The following GRM1 variants were observed in gnomAD, a reference collection of about 807,000 sequenced individuals.
The protein encoded by GRM1 is glutamate metabotropic receptor 1.
A neutral mutation model predicts 90.9 loss-of-function variants in GRM1; 33 were observed. The observed-to-expected ratio is 0.36, with a 90% CI of 0.28 to 0.49. The LOEUF (loss-of-function observed/expected upper bound fraction) is 0.49, where lower values mean the gene tolerates loss of function less well. GRM1 is among the 20% of genes least tolerant of loss of function. The pLI, the probability that GRM1 is intolerant of heterozygous loss-of-function variation, is 0.99. For synonymous variants in GRM1, 700 were observed against 613.2 expected, an observed-to-expected ratio of 1.14 and a Z score of -2.09; for missense variants, 1,190 against 1,534.3, an observed-to-expected ratio of 0.78 and a Z score of 3.75.
intron 2 of GRM1, among the ~76,000 whole-genome samples, chr6:146,207,124 G>T (rs907380947): frequency 6.6e-6 from 1 of 152,172 alleles, no homozygotes. Context: ...TCATGTGCAT[G>T]TGTCTTTATG....
At chr6:146,153,613 C>G (rs2128889151) in intron 1 of GRM1, among the ~76,000 whole-genome samples, 1 of 152,214 alleles carries the variant, frequency 6.6e-6, no homozygotes, top group Non-Finnish European at 1.5e-5. Flanking sequence ...TGCTGGGGAA[C>G]AGCACACACT....
intron 3 of GRM1, among the ~76,000 whole-genome samples, chr6:146,325,439 TTA>T (rs1784369883): frequency 6.6e-6 from 1 of 152,234 alleles, no homozygotes; most frequent in South Asian, 2.1e-4. Flanking sequence ...GTACAAGTTA[TTA>T]TGATATAGTA....
chr6:146,435,794 A>C lies in GRM1; in HGVS notation c.*998A>C, dbSNP rs1360736229. The C allele has an allele frequency of 1.3e-5, 2 of 152,770 alleles. No individual in the cohort carries two copies. Among genetic ancestry groups the C allele is most frequent in the East Asian group, 3.9e-4 (2 of 5,180 alleles). 9.5% of individuals were successfully genotyped at this position (152,770 alleles called of 1,614,324 possible). On this transcript the variant is annotated 3_prime_UTR_variant, in exon 8 of 8. Transcript: ENST00000282753. ...CTTCAGTTAAAGAACAAACCATGTG[A>C]CAAAATTGTTACCTTCCACTTACTG...
chr6:146,274,252 T>G (rs1240652485), intron 2 of GRM1, among the ~76,000 whole-genome samples: 1 of 152,198 alleles, frequency 6.6e-6, no homozygotes, highest in African/African-American at 2.4e-5. Flanking sequence ...TCTACATAAT[T>G]TTATCTAAAT....
In GRM1 at chr6:146,434,680, T is replaced by C; in HGVS notation, c.3469T>C (p.Ser1157Pro). 3 of 1,605,882 alleles carry C rather than the reference T, an allele frequency of 1.9e-6. No individual in the cohort carries two copies. The highest frequency in any genetic ancestry group is 8.5e-7 in the Non-Finnish European group (1 of 1,179,988). ...PPSPFRDSVA[S>P]GSSVPSSPVS... The stretch of plus-strand genomic sequence containing the variant: ...GTCGCCTTTCCGCGACTCGGTGGCC[T>C]CGGGCAGCTCGGTGCCCAGCTCCCC... Residue 1157 changes from serine to proline, a missense_variant, in exon 8 of 8, where the codon TCG becomes CCG. Transcript: ENST00000282753.
chr6:146,402,773 GT>G (rs1311163816), intron 7 of GRM1, among the ~76,000 whole-genome samples: 4 of 152,144 alleles, frequency 2.6e-5, no homozygotes, highest in Non-Finnish European at 4.4e-5. Context: ...TTGGAATGAT[GT>G]TGCGTTGTCT....
At chr6:146,361,405 A>C (rs1391890479) in intron 5 of GRM1, among the ~76,000 whole-genome samples, 1 of 152,198 alleles carries the variant, frequency 6.6e-6, no homozygotes, top group Non-Finnish European at 1.5e-5. Flanking sequence ...AGTGTTATGC[A>C]AGCAAACATC....
At chr6:146,380,370 A>C (rs2115121477) in intron 5 of GRM1, among the ~76,000 whole-genome samples, 1 of 139,886 alleles carries the variant, frequency 7.1e-6, no homozygotes, top group East Asian at 2.1e-4. Flanking sequence ...CACCCATCAG[A>C]GAGCCCTTTG....
At chr6:146,222,748 G>A (rs908646801) in intron 2 of GRM1, among the ~76,000 whole-genome samples, 9 of 151,966 alleles carry the variant, frequency 5.9e-5, no homozygotes, top group Non-Finnish European at 8.8e-5. Context: ...CCAAATATCC[G>A]GGTACCCTGT....
chr6:146,043,796 T>TATATATAGATATATATATAG (rs1554260529), intron 1 of GRM1, among the ~76,000 whole-genome samples: 1 of 137,940 alleles, frequency 7.2e-6, no homozygotes, highest in Non-Finnish European at 1.6e-5. Flanking sequence ...TATATATATA[T>TATATATAGATATATATATAG]ATATATATAT....
Position 146,127,735 on chromosome 6 carries a change from C to T in GRM1, c.701-31613C>T, listed in dbSNP as rs149988322. 2.0e-3 allele frequency among the ~76,000 whole-genome samples: 306 copies of T among 152,280 alleles called. 2 individuals carry two copies. In the Middle Eastern group the frequency reaches 0.024, roughly 12 times the overall value. ...GTAATCTTCAGCAAGATTTCAATCT[C>T]CCCAAGGTTCAGTTTCCTTATTTGT... On this transcript the variant is annotated intron_variant, in intron 1 of 7. Coordinates refer to ENST00000282753, the MANE Select transcript of GRM1 (RefSeq NM_001278064.2).
intron 5 of GRM1, among the ~76,000 whole-genome samples, chr6:146,374,060 T>C (rs953959110): frequency 6.6e-6 from 1 of 152,154 alleles, no homozygotes. Context: ...TTTGAGGAGT[T>C]TTATTAAGAA....
At chr6:146,237,646 C>T (rs1343084051) in intron 2 of GRM1, among the ~76,000 whole-genome samples, 1 of 152,140 alleles carries the variant, frequency 6.6e-6, no homozygotes, top group African/African-American at 2.4e-5. Context: ...CCTTACCCCA[C>T]TTCCAGATAT....
At chr6:146,428,628 C>G (rs1023171820) in intron 7 of GRM1, among the ~76,000 whole-genome samples, 1 of 152,040 alleles carries the variant, frequency 6.6e-6, no homozygotes, top group African/African-American at 2.4e-5. Flanking sequence ...ACCTGAAGTT[C>G]CTTTAAAGGG....
At chr6:146,143,052 C>T (rs138947370) in intron 1 of GRM1, among the ~76,000 whole-genome samples, 5 of 152,278 alleles carry the variant, frequency 3.3e-5, no homozygotes, top group African/African-American at 9.6e-5. Context: ...CCATGATGTG[C>T]GCTACCTTGC....
At chr6:146,061,549 A>G (rs1246679409) in intron 1 of GRM1, among the ~76,000 whole-genome samples, 1 of 152,178 alleles carries the variant, frequency 6.6e-6, no homozygotes, top group Non-Finnish European at 1.5e-5. Flanking sequence ...AATGGGAGAA[A>G]ATTCTTGCAA....
chr6:146,084,466 C>G (rs935833479), intron 1 of GRM1, among the ~76,000 whole-genome samples: 1 of 152,034 alleles, frequency 6.6e-6, no homozygotes, highest in African/African-American at 2.4e-5. Flanking sequence ...CAAAGAACTT[C>G]TTGATTTCTG....
intron 2 of GRM1, among the ~76,000 whole-genome samples, chr6:146,282,359 T>A (rs560817918): frequency 6.6e-6 from 1 of 152,306 alleles, no homozygotes; most frequent in Admixed American, 6.5e-5. Flanking sequence ...CTTATTTATT[T>A]GTGTCATTGT....
chr6:146,114,918 A>G (rs2128875085), intron 1 of GRM1, among the ~76,000 whole-genome samples: 1 of 152,250 alleles, frequency 6.6e-6, no homozygotes, highest in Admixed American at 6.5e-5. Flanking sequence ...TTGTTCAGTG[A>G]TCATTCCAAT....
Sources: allele counts gnomAD v4.1 joint callset (sites outside exome capture counted in the v4.1 genomes callset), GRCh38; gene constraint gnomAD v4.1.1; transcripts MANE v1.5; gene names NCBI Gene and HGNC (gene_info 2026-07-23, HGNC 2026-07-21).